ANO6: variants seen among roughly 807,000 people sequenced by gnomAD.
The protein encoded by ANO6 is anoctamin 6.
In ANO6, 106 loss-of-function variants were observed where a neutral mutation model predicts 117.5. The observed-to-expected ratio is 0.90, with a 90% CI of 0.77 to 1.06. The LOEUF (loss-of-function observed/expected upper bound fraction) is 1.06. ANO6 is among the 50% of genes least tolerant of loss of function. The pLI is 0.00. For missense variants in ANO6, 955 were observed against 1,121.1 expected (o/e 0.85, Z 2.12); for synonymous variants, 367 against 385.1 (o/e 0.95, Z 0.55).
intron 11 of ANO6, 127 bp from the exon 12 acceptor site, chr12:45,390,294 G>C (rs1942408451): frequency 1.3e-6 from 1 of 797,910 alleles, no homozygotes; most frequent in Admixed American, 1.9e-5. Flanking sequence ...GCAATTATGA[G>C]TAAGGAGACT....
intron 15 of ANO6, 90 bp downstream of exon 15, chr12:45,403,626 C>T (rs1186512640): frequency 1.8e-5 from 17 of 948,058 alleles, no homozygotes; most frequent in African/African-American, 5.1e-5. Context: ...GCCACATAGC[C>T]ACATAGCTGC....
intron 19 of ANO6, among the ~76,000 whole-genome samples, chr12:45,426,465 T>C (rs1943505240): frequency 6.6e-6 from 1 of 152,182 alleles, no homozygotes; most frequent in African/African-American, 2.4e-5. Flanking sequence ...TGCCAGTACA[T>C]GCTGTCCTCG....
chr12:45,282,323 C>A (rs766713980), intron 1 of ANO6, among the ~76,000 whole-genome samples: 4 of 152,156 alleles, frequency 2.6e-5, no homozygotes, highest in Non-Finnish European at 4.4e-5. Flanking sequence ...TTTAGTCTAC[C>A]TGTGTTAACA....
chr12:45,409,424 G>T lies in ANO6; in HGVS notation c.1948G>T (p.Glu650Ter). 6.2e-7 allele frequency: 1 copy of T among 1,613,990 alleles called. No homozygotes were observed. The highest frequency in any genetic ancestry group is 8.5e-7 in the Non-Finnish European group (1 of 1,179,910). ...SGSEKITPRW[E>*]QDYHLQPMGK... Reference sequence around the variant, plus strand: ...ATCAGAAAAGATAACCCCACGATGGGAACAGGACTACCATCTGCAGCCTAT... The same window carrying T: ...ATCAGAAAAGATAACCCCACGATGGTAACAGGACTACCATCTGCAGCCTAT... The change falls in exon 16 of 20, where the codon GAA becomes TAA. Residue 650 changes from glutamate to a stop codon, truncating the protein, a stop_gained. Coordinates refer to ENST00000320560, the MANE Select transcript of ANO6 (RefSeq NM_001025356.3). LOFTEE classifies it high-confidence loss of function.
chr12:45,328,373 G>A (rs1401875153), intron 2 of ANO6, among the ~76,000 whole-genome samples: 1 of 151,650 alleles, frequency 6.6e-6, no homozygotes, highest in Non-Finnish European at 1.5e-5. Context: ...CACTTTTTTG[G>A]CTCAATTATT....
At chr12:45,303,340 G>T (rs1043604094) in intron 2 of ANO6, among the ~76,000 whole-genome samples, 12 of 152,184 alleles carry the variant, frequency 7.9e-5, no homozygotes, top group African/African-American at 2.7e-4. Context: ...AACTTTTGCA[G>T]TTAGAGACCA....
Position 45,288,658 on chromosome 12 carries a change from A to G in ANO6, c.71-13356A>G, listed in dbSNP as rs557482473. Among the ~76,000 whole-genome samples, 33 of 152,334 alleles carry G rather than the reference A, an allele frequency of 2.2e-4. No homozygotes were observed. The South Asian group carries it at 5.8e-3, about 27-fold the overall frequency. ...GTGGACACTTGAATTGCTATTGTAA[A>G]TGTTGCTATGAACATGGATGTCCAA... On this transcript the variant is annotated intron_variant, in intron 1 of 19. Coordinates refer to ENST00000320560, the MANE Select transcript of ANO6 (RefSeq NM_001025356.3).
intron 1 of ANO6, among the ~76,000 whole-genome samples, chr12:45,284,177 A>G (rs1354684512): frequency 6.6e-6 from 1 of 152,246 alleles, no homozygotes; most frequent in Non-Finnish European, 1.5e-5. Flanking sequence ...TAATGCGAAT[A>G]GACAGAATGG....
intron 12 of ANO6, among the ~76,000 whole-genome samples, chr12:45,392,793 A>C (rs995986705): frequency 1.3e-5 from 2 of 152,142 alleles, no homozygotes; most frequent in Non-Finnish European, 2.9e-5. Context: ...AGAAAGGAAT[A>C]GCATTAACAT....
At chr12:45,322,681 G>A (rs114678123) in intron 2 of ANO6, among the ~76,000 whole-genome samples, 27 of 152,214 alleles carry the variant, frequency 1.8e-4, no homozygotes, top group African/African-American at 6.0e-4. Context: ...AGACTAGAAC[G>A]ATGGCAATAG....
At chr12:45,367,896 AAG>A in intron 9 of ANO6, 103 bp downstream of exon 9, 4 of 873,782 alleles carry the variant, frequency 4.6e-6, no homozygotes, top group Non-Finnish European at 7.4e-6. Flanking sequence ...CTGAGGAATT[AAG>A]ATATTTTTCA....
At chr12:45,321,048 C>G (rs1940251118) in intron 2 of ANO6, among the ~76,000 whole-genome samples, 1 of 152,082 alleles carries the variant, frequency 6.6e-6, no homozygotes, top group Non-Finnish European at 1.5e-5. Context: ...ATACAGCACA[C>G]TGATGGGTCT....
At chr12:45,225,134 G>GCTGT (rs1206701149) in intron 1 of ANO6, among the ~76,000 whole-genome samples, 4 of 149,430 alleles carry the variant, frequency 2.7e-5, no homozygotes, top group South Asian at 4.2e-4. Context: ...GCTGCAGTGA[G>GCTGT]CTGTCATTGT....
intron 9 of ANO6, among the ~76,000 whole-genome samples, chr12:45,372,493 T>A (rs1198426739): frequency 7.0e-6 from 1 of 142,034 alleles, no homozygotes; most frequent in South Asian, 2.5e-4. Context: ...GGGAAGCCCA[T>A]CAGACTAACA....
At chr12:45,311,185 A>C (rs1013603129) in intron 2 of ANO6, among the ~76,000 whole-genome samples, 2 of 152,062 alleles carry the variant, frequency 1.3e-5, no homozygotes, top group African/African-American at 4.8e-5. Context: ...AAAACTGTGG[A>C]ATAATGGATG....
At chr12:45,390,635 G>A in intron 12 of ANO6, 137 bp downstream of exon 12, 1 of 778,500 alleles carries the variant, frequency 1.3e-6, no homozygotes, top group Admixed American at 2.3e-5. Flanking sequence ...GAGACAGACA[G>A]ATATTTCCAG....
At chr12:45,329,766 A>T (rs115102079) in intron 2 of ANO6, among the ~76,000 whole-genome samples, 2,395 of 151,940 alleles carry the variant, frequency 0.016, 61 homozygotes, top group African/African-American at 0.051. Flanking sequence ...ATATATATAT[A>T]TTTTTCTCCA....
rs1445989237 is a variant in ANO6 at position 45,217,267 on chromosome 12, ACT to A, written c.70+879_70+880del. Among the ~76,000 whole-genome samples the A allele has an allele frequency of 1.2e-4, 18 of 152,128 alleles. No homozygotes were observed. The East Asian group carries it at 2.9e-3, about 25-fold the overall frequency. Reference sequence around the variant, plus strand: ...ATGATATAATGTGTCCCTCCAGAAGACTCTAATTAAATTACCAAGCCAGTCTG... The same window carrying A: ...ATGATATAATGTGTCCCTCCAGAAGACTAATTAAATTACCAAGCCAGTCTG... On this transcript the variant is annotated intron_variant, in intron 1 of 19. Coordinates refer to ENST00000320560, the MANE Select transcript of ANO6 (RefSeq NM_001025356.3).
intron 2 of ANO6, among the ~76,000 whole-genome samples, chr12:45,314,080 A>G (rs1455270564): frequency 6.6e-6 from 1 of 152,012 alleles, no homozygotes; most frequent in Non-Finnish European, 1.5e-5. Context: ...ATGAAAGACT[A>G]TAAGGCAGTG....
Sources: gnomAD v4.1 joint callset for allele counts (sites outside exome capture counted in the v4.1 genomes callset) on GRCh38, gnomAD v4.1.1 for gene constraint, MANE v1.5 for transcripts, NCBI Gene and HGNC (gene_info 2026-07-23, HGNC 2026-07-21) for gene names.